Variants in RYR2 observed in about 807,000 individuals in gnomAD.
RYR2 encodes the protein cardiac muscle ryanodine receptor-calcium release channel.
Under a neutral mutation model 601.1 loss-of-function variants are expected in RYR2, and 227 were observed. That is an observed-to-expected ratio of 0.38 (90% CI 0.34 to 0.42). The LOEUF (loss-of-function observed/expected upper bound fraction) is 0.42, where lower values mean the gene tolerates loss of function less well. RYR2 is among the 10% of genes least tolerant of loss of function. The pLI is 1.00. For synonymous variants in RYR2, 2,223 were observed against 2,175.1 expected (o/e 1.02, Z -0.61); for missense variants, 4,646 against 6,156.5 (o/e 0.75, Z 8.21).
At position 237,148,531 on chromosome 1, in the gene RYR2, T is replaced by TATATATATATATATATACACACAC. The variant is rs1558319980; in HGVS notation, c.48+105979_48+105980insCACACACATATATATATATATATA. 6.2e-3 allele frequency among the ~76,000 whole-genome samples: 480 copies of TATATATATATATATATACACACAC among 77,522 alleles called. 8 individuals are homozygous for TATATATATATATATATACACACAC. Among genetic ancestry groups the TATATATATATATATATACACACAC allele is most frequent in the African/African-American group, 0.029 (461 of 15,930 alleles). 50.9% of individuals were successfully genotyped at this position (77,522 alleles called of 152,430 possible). ...AACTTCAAGTAAAAAAAAAAAAATATATATATATATATATATATATATACA... is the reference window on the plus strand; with the variant it reads ...AACTTCAAGTAAAAAAAAAAAAATATATATATATATATATATACACACACATATATATATATATATATATATACA... On this transcript the variant is annotated intron_variant, in intron 1 of 104. Coordinates refer to ENST00000366574, the MANE Select transcript of RYR2 (RefSeq NM_001035.3).
chr1:237,170,153 G>A (rs1677194229), intron 1 of RYR2, among the ~76,000 whole-genome samples: 1 of 152,226 alleles, frequency 6.6e-6, no homozygotes, highest in African/African-American at 2.4e-5. Context: ...AATAGGAAGA[G>A]AGCAACATGG....
At chr1:237,154,068 AGGGGCTCT>A (rs751114452) in intron 1 of RYR2, among the ~76,000 whole-genome samples, 1 of 152,182 alleles carries the variant, frequency 6.6e-6, no homozygotes, top group Non-Finnish European at 1.5e-5. Context: ...AACTTGCAAG[AGGGGCTCT>A]GGGCTGCATT....
intron 1 of RYR2, among the ~76,000 whole-genome samples, chr1:237,209,497 A>ATGTG (rs55861841): frequency 2.8e-5 from 4 of 143,304 alleles, no homozygotes; most frequent in African/African-American, 7.6e-5. Context: ...ATCTGCATAT[A>ATGTG]TGTGTGTGTG....
chr1:237,231,961 T>C (rs964654506), intron 1 of RYR2, among the ~76,000 whole-genome samples: 4 of 152,216 alleles, frequency 2.6e-5, no homozygotes, highest in Non-Finnish European at 4.4e-5. Context: ...GCAAATAAGA[T>C]GAGGTCTTCC....
intron 35 of RYR2, among the ~76,000 whole-genome samples, chr1:237,602,352 A>C (rs911315572): frequency 6.6e-6 from 1 of 152,046 alleles, no homozygotes; most frequent in Non-Finnish European, 1.5e-5. Context: ...AGAAAAAAAA[A>C]TGCCGAGATT....
intron 101 of RYR2, among the ~76,000 whole-genome samples, chr1:237,821,981 GA>G (rs1662560855): frequency 6.6e-6 from 1 of 151,894 alleles, no homozygotes; most frequent in Non-Finnish European, 1.5e-5. Flanking sequence ...AGAGAAAAAA[GA>G]GTGAAAAGAA....
intron 1 of RYR2, among the ~76,000 whole-genome samples, chr1:237,083,027 G>A (rs953957125): frequency 1.3e-5 from 2 of 152,118 alleles, no homozygotes; most frequent in Admixed American, 1.3e-4. Flanking sequence ...GTGACTTGTT[G>A]CCCGTTCAGA....
chr1:237,791,082 T>C (rs894106021), intron 92 of RYR2, among the ~76,000 whole-genome samples: 2 of 152,216 alleles, frequency 1.3e-5, no homozygotes, highest in Non-Finnish European at 2.9e-5. Flanking sequence ...CATTCAGGCC[T>C]CTCTGTTCAA....
At chr1:237,330,545 G>A (rs904355810) in intron 2 of RYR2, among the ~76,000 whole-genome samples, 8 of 152,052 alleles carry the variant, frequency 5.3e-5, no homozygotes, top group Non-Finnish European at 1.2e-4. Flanking sequence ...GTGCCGCTGC[G>A]TCTGGCTACT....
At chr1:237,336,717 T>G (rs1426321231) in intron 3 of RYR2, among the ~76,000 whole-genome samples, 1 of 151,412 alleles carries the variant, frequency 6.6e-6, no homozygotes, top group East Asian at 2.0e-4. Flanking sequence ...ATTAGCTGGG[T>G]GTGGTGGCGC....
At chr1:237,639,863 G>C (rs946684236) in intron 46 of RYR2, among the ~76,000 whole-genome samples, 1 of 152,074 alleles carries the variant, frequency 6.6e-6, no homozygotes, top group Non-Finnish European at 1.5e-5. Flanking sequence ...GGGCTTTATT[G>C]AGGCACATTT....
intron 2 of RYR2, among the ~76,000 whole-genome samples, chr1:237,314,931 G>A (rs1694963870): frequency 6.6e-6 from 1 of 152,100 alleles, no homozygotes; most frequent in Admixed American, 6.5e-5. Context: ...AGAGAAGGCT[G>A]ATTATTTTAA....
At chr1:237,459,885 C>G (rs1437437392) in intron 16 of RYR2, among the ~76,000 whole-genome samples, 1 of 152,128 alleles carries the variant, frequency 6.6e-6, no homozygotes, top group Non-Finnish European at 1.5e-5. Context: ...AATGGCTTAC[C>G]TATTTAAATA....
At chr1:237,275,956 T>C in intron 2 of RYR2, among the ~76,000 whole-genome samples, 1 of 152,194 alleles carries the variant, frequency 6.6e-6, no homozygotes, top group East Asian at 1.9e-4. Context: ...ACACTATTAA[T>C]TAAATCTTGG....
intron 25 of RYR2, among the ~76,000 whole-genome samples, chr1:237,541,867 C>T (rs745983981): frequency 4.0e-4 from 61 of 151,948 alleles, no homozygotes; most frequent in African/African-American, 5.3e-4. Context: ...AGACAAGGAC[C>T]GGCCATTTTC....
intron 79 of RYR2, among the ~76,000 whole-genome samples, chr1:237,739,549 G>C (rs964432814): frequency 2.0e-5 from 3 of 152,152 alleles, no homozygotes; most frequent in Non-Finnish European, 4.4e-5. Context: ...TGAGTTTCCA[G>C]CTAAGGGAAC....
chr1:237,303,086 G>C (rs1693522408), intron 2 of RYR2, among the ~76,000 whole-genome samples: 1 of 152,048 alleles, frequency 6.6e-6, no homozygotes, highest in East Asian at 1.9e-4. Context: ...ACCTTTCCCT[G>C]TTCATACCCT....
intron 34 of RYR2, among the ~76,000 whole-genome samples, chr1:237,598,412 T>C (rs948370675): frequency 2.0e-5 from 3 of 152,232 alleles, no homozygotes; most frequent in Non-Finnish European, 4.4e-5. Context: ...ACAGATCATA[T>C]GTTAGGCCAC....
At chr1:237,291,036 A>G (rs776038520) in intron 2 of RYR2, among the ~76,000 whole-genome samples, 3 of 152,174 alleles carry the variant, frequency 2.0e-5, no homozygotes, top group Non-Finnish European at 4.4e-5. Flanking sequence ...CATTTCTGTT[A>G]GAAGCGTAAA....
Sources: allele counts gnomAD v4.1 joint callset (sites outside exome capture counted in the v4.1 genomes callset), GRCh38; gene constraint gnomAD v4.1.1; transcripts MANE v1.5; gene names NCBI Gene and HGNC (gene_info 2026-07-23, HGNC 2026-07-21).